The following NDE1 variants were observed in gnomAD, a reference collection of about 807,000 sequenced individuals.
NDE1 encodes the protein nudE neurodevelopment protein 1.
A neutral mutation model predicts 43.4 loss-of-function variants in NDE1; 28 were observed. The observed-to-expected ratio is 0.65, with a 90% confidence interval of 0.48 to 0.89. The LOEUF is 0.89. Among genes scored for constraint, NDE1 ranks in the 40% least tolerant of loss-of-function variants. The pLI, the probability that NDE1 is intolerant of heterozygous loss-of-function variation, is 0.00. For missense variants in NDE1, 441 were observed against 434.1 expected, an observed-to-expected ratio of 1.02 and a Z score of -0.14; for synonymous variants, 184 against 172.0, an observed-to-expected ratio of 1.07 and a Z score of -0.55.
intron 8 of NDE1, among the ~76,000 whole-genome samples, chr16:15,723,784 G>A (rs921046909): frequency 1.3e-5 from 2 of 152,206 alleles, no homozygotes; most frequent in Non-Finnish European, 2.9e-5. Flanking sequence ...TTAGGGAAGA[G>A]TGGTATTAAA....
intron 6 of NDE1, 118 bp downstream of exon 6, chr16:15,691,441 C>A: frequency 8.2e-7 from 1 of 1,213,926 alleles, no homozygotes; most frequent in Non-Finnish European, 1.2e-6. Context: ...GATTTGCTCT[C>A]AGGCTTTGAG....
At chr16:15,690,342 T>TTTTTTTTTTTC (rs2038677119) in intron 5 of NDE1, among the ~76,000 whole-genome samples, 1 of 130,090 alleles carries the variant, frequency 7.7e-6, no homozygotes, top group African/African-American at 3.1e-5. Context: ...CTGGCCTTTT[T>TTTTTTTTTTTC]TTTTTTTTTT....
chr16:15,656,392 C>T (rs1387325882), intron 1 of NDE1, among the ~76,000 whole-genome samples: 3 of 152,110 alleles, frequency 2.0e-5, no homozygotes, highest in African/African-American at 7.2e-5. Flanking sequence ...CCCATTGGCC[C>T]GTTGTAATTA....
Position 15,726,346 on chromosome 16 carries a change from T to C in NDE1, c.*2095T>C, listed in dbSNP as rs1052272052. The C allele has an allele frequency of 1.1e-5, 2 of 174,088 alleles. No homozygotes were observed. The highest frequency in any genetic ancestry group is 4.8e-5 in the African/African-American group (2 of 41,410). The allele number at this position is 174,088 out of a possible 1,614,324, so 10.8% of individuals were successfully genotyped here. ...AGGTGCTCAATAAATACTTATCAAA[T>C]TGGAAAAGGAAGGGTTTTTTTTCTT... is the stretch of plus-strand genomic sequence containing the variant. On this transcript the variant is annotated 3_prime_UTR_variant, in exon 9 of 9. Coordinates refer to ENST00000396354, the MANE Select transcript of NDE1 (RefSeq NM_017668.3).
intron 8 of NDE1, chr16:15,717,803 G>A (rs1354726372): frequency 3.5e-5 from 9 of 259,094 alleles, no homozygotes; most frequent in Non-Finnish European, 4.5e-5. Context: ...CCAAAAAAAA[G>A]AGGTGCTTCC....
rs564691257 is a variant in NDE1 at position 15,712,315 on chromosome 16, G to T, written c.948-11876G>T. Among the ~76,000 whole-genome samples the T allele has an allele frequency of 2.0e-5, 3 of 152,196 alleles. No homozygotes were observed. The East Asian group carries it at 5.8e-4, about 29-fold the overall frequency. On this transcript the variant is annotated intron_variant, in intron 8 of 8. Transcript: ENST00000396354. Reference sequence around the variant, plus strand: ...TTAGATATACATGGAATTCTAAAGCGCCAAGATTAGTTGAGACCTCTCACC... The same window carrying T: ...TTAGATATACATGGAATTCTAAAGCTCCAAGATTAGTTGAGACCTCTCACC...
At chr16:15,720,803 C>T (rs376916158) in intron 8 of NDE1, 95 of 1,603,676 alleles carry the variant, frequency 5.9e-5, no homozygotes, top group East Asian at 8.9e-5. Context: ...AAAGGCCACC[C>T]GACCTCCCTC....
upstream of NDE1, among the ~76,000 whole-genome samples, chr16:15,648,288 G>A (rs542155889): frequency 2.0e-4 from 30 of 152,014 alleles, 1 homozygote; most frequent in South Asian, 6.0e-3. Flanking sequence ...ACCCTGCTGT[G>A]CTCCCAAATA....
At chr16:15,686,715 T>C (rs1427627697) in intron 4 of NDE1, 6 of 269,230 alleles carry the variant, frequency 2.2e-5, no homozygotes, top group Non-Finnish European at 3.4e-5. Context: ...TATTAGGTTA[T>C]TATTATTTTG....
upstream of NDE1, among the ~76,000 whole-genome samples, chr16:15,646,473 C>T (rs1338501092): frequency 1.1e-4 from 17 of 152,058 alleles, no homozygotes; most frequent in Admixed American, 1.1e-3. Context: ...CCCAGCTACT[C>T]AGGAATCTGA....
rs180842071 is a variant in NDE1, at chr16:15,677,658, A to C, written c.238-143A>C. The stretch of plus-strand genomic sequence containing the variant: ...GAGTGGAGTGTTACAGTCATAGCTC[A>C]CTGCAGCCTCTAACTCCTGGGCTCA... On this transcript the variant is annotated intron_variant, in intron 3 of 8. Coordinates refer to ENST00000396354, the MANE Select transcript of NDE1 (RefSeq NM_017668.3). The C allele has an allele frequency of 1.2e-4, 96 of 801,940 alleles. No individual in the cohort carries two copies. In the African/African-American group the frequency reaches 1.3e-3, roughly 11 times the overall value. 49.7% of individuals were successfully genotyped at this position (801,940 alleles called of 1,614,324 possible). A position where few individuals can be genotyped will look rare whatever the true frequency, so the allele number is the denominator to read the frequency against.
intron 4 of NDE1, among the ~76,000 whole-genome samples, chr16:15,679,077 A>AAAAAC (rs1048910197): frequency 6.6e-6 from 1 of 152,172 alleles, no homozygotes; most frequent in South Asian, 2.1e-4. Flanking sequence ...ACTCTGTCTC[A>AAAAAC]AAAACAAAAC....
At chr16:15,679,989 A>G (rs1271094544) in intron 4 of NDE1, among the ~76,000 whole-genome samples, 1 of 151,922 alleles carries the variant, frequency 6.6e-6, no homozygotes, top group East Asian at 1.9e-4. Flanking sequence ...ATGTTGGCCA[A>G]TCTGGTCTCA....
intron 1 of NDE1, among the ~76,000 whole-genome samples, chr16:15,661,210 G>A (rs1277216889): frequency 2.0e-5 from 3 of 147,720 alleles, no homozygotes; most frequent in Non-Finnish European, 4.5e-5. Flanking sequence ...GTGCAGTGGC[G>A]CCATCTCGGC....
intron 8 of NDE1, among the ~76,000 whole-genome samples, chr16:15,708,246 G>A (rs1203871901): frequency 3.3e-5 from 5 of 152,178 alleles, no homozygotes; most frequent in African/African-American, 7.2e-5. Context: ...CATTTCCTTC[G>A]CAGACAAGCC....
intron 8 of NDE1, chr16:15,711,344 C>G (rs1001059458): frequency 6.6e-6 from 1 of 152,136 alleles, no homozygotes; most frequent in African/African-American, 2.4e-5. Flanking sequence ...CAGAGAGAGT[C>G]TATTTGGTGC....
At chr16:15,654,752 C>A (rs1170662121) in intron 1 of NDE1, among the ~76,000 whole-genome samples, 3 of 147,830 alleles carry the variant, frequency 2.0e-5, no homozygotes, top group Non-Finnish European at 4.5e-5. Context: ...GCCTCTGCTG[C>A]TCACATGCAC....
chr16:15,699,447 A>T, intron 8 of NDE1: 1 of 800,228 alleles, frequency 1.2e-6, no homozygotes, highest in Non-Finnish European at 1.6e-6. Context: ...CATTTTTCAT[A>T]GAGACAGGGT....
intron 5 of NDE1, among the ~76,000 whole-genome samples, chr16:15,688,675 C>T (rs1289753484): frequency 8.8e-6 from 1 of 114,002 alleles, no homozygotes; most frequent in Admixed American, 9.4e-5. Flanking sequence ...GTGGATTGTC[C>T]AAGTTGTTTT....
Sources: gnomAD v4.1 joint callset for allele counts (sites outside exome capture counted in the v4.1 genomes callset) on GRCh38, gnomAD v4.1.1 for gene constraint, MANE v1.5 for transcripts, NCBI Gene and HGNC (gene_info 2026-07-23, HGNC 2026-07-21) for gene names.